Variants in UNC79 observed in about 807,000 individuals in gnomAD.
UNC79 encodes the protein unc-79 subunit of NALCN channel complex, also known as protein unc-79 homolog.
In UNC79, 37 loss-of-function variants were observed where a neutral mutation model predicts 283.1. The observed-to-expected ratio is 0.13, with a 90% CI of 0.10 to 0.17. The LOEUF is 0.17. Among genes scored for constraint, UNC79 ranks in the 10% least tolerant of loss-of-function variants. The probability of loss-of-function intolerance (pLI) is 1.00; values close to 1 mark genes in which losing one functional copy is unlikely to be tolerated. For missense variants in UNC79, 2,272 were observed against 3,211.1 expected, an observed-to-expected ratio of 0.71 and a Z score of 7.07; for synonymous variants, 1,107 against 1,200.2, an observed-to-expected ratio of 0.92 and a Z score of 1.61.
At chr14:93,408,046 C>T (rs924365216) in intron 1 of UNC79, among the ~76,000 whole-genome samples, 3 of 152,044 alleles carry the variant, frequency 2.0e-5, no homozygotes, top group South Asian at 2.1e-4. Flanking sequence ...GCATTATGTC[C>T]GGTCTTCAAC....
intron 1 of UNC79, among the ~76,000 whole-genome samples, chr14:93,433,259 T>G (rs952936556): frequency 5.3e-5 from 8 of 152,178 alleles, no homozygotes. Context: ...GGGAGTAGGC[T>G]GTGGAAAGGT....
At chr14:93,681,666 G>C (rs1433521766) in intron 41 of UNC79, among the ~76,000 whole-genome samples, 1 of 152,192 alleles carries the variant, frequency 6.6e-6, no homozygotes, top group Non-Finnish European at 1.5e-5. Flanking sequence ...CACAGCAGCA[G>C]TTTCAGGTCC....
intron 1 of UNC79, among the ~76,000 whole-genome samples, chr14:93,392,524 T>C (rs1008311661): frequency 6.6e-6 from 1 of 152,226 alleles, no homozygotes; most frequent in African/African-American, 2.4e-5. Flanking sequence ...CTCATATTTC[T>C]CAATATTTAT....
At chr14:93,557,790 A>G (rs998332559) in intron 14 of UNC79, among the ~76,000 whole-genome samples, 9 of 152,226 alleles carry the variant, frequency 5.9e-5, no homozygotes, top group Admixed American at 4.6e-4. Context: ...GAATGGGCAA[A>G]GCCTTAGCCA....
At chr14:93,356,690 C>A (rs2054092382) in intron 1 of UNC79, among the ~76,000 whole-genome samples, 1 of 152,150 alleles carries the variant, frequency 6.6e-6, no homozygotes, top group Admixed American at 6.6e-5. Context: ...AAGTGCAAAT[C>A]CACTATATGA....
chr14:93,631,507 T>C (rs2068035539), intron 31 of UNC79, among the ~76,000 whole-genome samples: 1 of 152,122 alleles, frequency 6.6e-6, no homozygotes, highest in Non-Finnish European at 1.5e-5. Context: ...CCACTGAAGT[T>C]CCATAAGCAT....
intron 22 of UNC79, among the ~76,000 whole-genome samples, chr14:93,589,821 G>T (rs546240465): frequency 6.6e-6 from 1 of 152,092 alleles, no homozygotes; most frequent in East Asian, 1.9e-4. Context: ...CCAGCATGTC[G>T]GAAAATAGAG....
rs2074465001 is a variant in UNC79 at position 93,688,930 on chromosome 14, C to A, written c.7085+90C>A. 2.8e-6 allele frequency: 4 copies of A among 1,406,940 alleles called. No homozygotes were observed. In the Admixed American group the frequency reaches 8.5e-5, roughly 30 times the overall value. The allele number at this position is 1,406,940 out of a possible 1,614,324, so 87.2% of individuals were successfully genotyped here. ...GGCTCAGCTAGAGTTAAGGAGTACA[C>A]CGAAGATTTATGACAGTGGAATATA... On this transcript the variant is annotated intron_variant, in intron 44 of 48. Transcript: ENST00000555664. The surrounding 1 kb of genome is among the most constrained non-coding windows in gnomAD (Gnocchi z 4.0).
intron 7 of UNC79, among the ~76,000 whole-genome samples, chr14:93,519,529 T>G (rs2060224519): frequency 6.6e-6 from 1 of 151,892 alleles, no homozygotes; most frequent in South Asian, 2.1e-4. Context: ...CATTGGCATT[T>G]AATGTAATTT....
At chr14:93,405,142 G>T (rs542204593) in intron 1 of UNC79, among the ~76,000 whole-genome samples, 2 of 151,960 alleles carry the variant, frequency 1.3e-5, no homozygotes, top group Non-Finnish European at 2.9e-5. Flanking sequence ...AATTAGCTGC[G>T]TGTGGTGGCG....
At chr14:93,560,060 C>A (rs1319633861) in intron 14 of UNC79, among the ~76,000 whole-genome samples, 1 of 151,762 alleles carries the variant, frequency 6.6e-6, no homozygotes, top group Non-Finnish European at 1.5e-5. Flanking sequence ...TTAGAAGGAG[C>A]ATTTGTCGTA....
At chr14:93,467,409 T>C (rs1019949962) in intron 1 of UNC79, among the ~76,000 whole-genome samples, 2 of 151,818 alleles carry the variant, frequency 1.3e-5, no homozygotes, top group Non-Finnish European at 2.9e-5. Flanking sequence ...AATTTGTGAA[T>C]AGGATATTAA....
chr14:93,664,429 G>C (rs903358924), intron 40 of UNC79, among the ~76,000 whole-genome samples: 1 of 152,158 alleles, frequency 6.6e-6, no homozygotes, highest in Non-Finnish European at 1.5e-5. Flanking sequence ...TAGCCCTGTG[G>C]TGGGGCTGTT....
At chr14:93,348,238 C>A in intron 1 of UNC79, 1 of 656,276 alleles carries the variant, frequency 1.5e-6, no homozygotes, top group Non-Finnish European at 2.8e-6. Flanking sequence ...TATTCACTTT[C>A]CTCATGTTTA....
chr14:93,337,048 G>C (rs2053593533), intron 1 of UNC79, among the ~76,000 whole-genome samples: 1 of 152,126 alleles, frequency 6.6e-6, no homozygotes, highest in Admixed American at 6.5e-5. Context: ...CTAAAGCCTG[G>C]GGGCCAGGCT....
At chr14:93,536,173 A>G (rs2061062778) in intron 11 of UNC79, among the ~76,000 whole-genome samples, 1 of 152,228 alleles carries the variant, frequency 6.6e-6, no homozygotes, top group Non-Finnish European at 1.5e-5. Flanking sequence ...ACTCATGTAA[A>G]AAGTGAGGAA....
chr14:93,656,671 TA>T (rs1362481631), intron 38 of UNC79, among the ~76,000 whole-genome samples: 2 of 151,628 alleles, frequency 1.3e-5, no homozygotes, highest in Non-Finnish European at 2.9e-5. Context: ...AATAAACAAA[TA>T]GAAAGTATTT....
chr14:93,583,405 T>G (rs1037775800), intron 20 of UNC79, among the ~76,000 whole-genome samples: 2 of 152,222 alleles, frequency 1.3e-5, no homozygotes, highest in African/African-American at 4.8e-5. Flanking sequence ...TGGCATCATT[T>G]CTTCAGTGAG....
chr14:93,562,404 C>T (rs1486532783), intron 14 of UNC79, among the ~76,000 whole-genome samples: 1 of 152,078 alleles, frequency 6.6e-6, no homozygotes, highest in Non-Finnish European at 1.5e-5. Flanking sequence ...CTGTCTGGGA[C>T]GAGGTTGGGG....
Sources: allele counts gnomAD v4.1 joint callset (sites outside exome capture counted in the v4.1 genomes callset), GRCh38; gene constraint gnomAD v4.1.1; non-coding constraint Gnocchi (gnomAD v3.1); transcripts MANE v1.5; gene names NCBI Gene and HGNC (gene_info 2026-07-23, HGNC 2026-07-21).